The following TRAF2 variants were observed in gnomAD, a reference collection of about 807,000 sequenced individuals.
TRAF2 encodes the protein TNF receptor-associated factor 2.
Under a neutral mutation model 55.6 loss-of-function variants are expected in TRAF2, and 6 were observed. The observed-to-expected ratio is 0.11, with a 90% CI of 0.06 to 0.21. TRAF2 has a LOEUF of 0.21. Among genes scored for constraint, TRAF2 ranks in the 10% least tolerant of loss-of-function variants. TRAF2 has a pLI of 1.00. For missense variants in TRAF2, 561 were observed against 684.5 expected (o/e 0.82, Z 2.01); for synonymous variants, 329 against 276.3 (o/e 1.19, Z -1.89).
chr9:136,900,279 C>T, intron 3 of TRAF2, 143 bp from the exon 4 acceptor site: 2 of 536,866 alleles, frequency 3.7e-6, no homozygotes, highest in Non-Finnish European at 6.5e-6. Context: ...AAAAAGGAAT[C>T]AGAGAGTCAT....
chr9:136,910,071 T>TGGGGCA, intron 6 of TRAF2, 77 bp downstream of exon 6: 1 of 1,386,232 alleles, frequency 7.2e-7, no homozygotes, highest in South Asian at 1.2e-5. Context: ...TGGGTGGGGG[T>TGGGGCA]GGGGCAGGTT....
chr9:136,903,255 C>A (rs963948458), intron 4 of TRAF2, among the ~76,000 whole-genome samples: 1 of 152,150 alleles, frequency 6.6e-6, no homozygotes, highest in South Asian at 2.1e-4. Context: ...CTGGCCAAAT[C>A]GAATAATTTT....
At chr9:136,911,785 T>G (rs113005372) in intron 6 of TRAF2, among the ~76,000 whole-genome samples, 18 of 151,610 alleles carry the variant, frequency 1.2e-4, no homozygotes, top group African/African-American at 4.1e-4. Flanking sequence ...CAGAGGAGAA[T>G]GCTGAGAGTG....
chr9:136,901,809 G>GC (rs1479741112), intron 4 of TRAF2: 3 of 152,298 alleles, frequency 2.0e-5, no homozygotes, highest in Admixed American at 6.5e-5. Context: ...AATTGGACCT[G>GC]CATTACTGTG....
intron 1 of TRAF2, among the ~76,000 whole-genome samples, chr9:136,893,376 C>T (rs1328119858): frequency 1.3e-5 from 2 of 152,240 alleles, no homozygotes; most frequent in Non-Finnish European, 2.9e-5. Flanking sequence ...AAGCACACCA[C>T]TGCTGGCTTT....
In TRAF2 at chr9:136,913,281, CTTA is replaced by C. The variant is rs1850163880; in HGVS notation, c.604-3255_604-3253del. ...AGATGTGGGGTCCACATACCATGTTCTTATTATAAAGGAATTTTTTTTTTTTTT... is the reference window on the plus strand; with the variant it reads ...AGATGTGGGGTCCACATACCATGTTCTTATAAAGGAATTTTTTTTTTTTTT... On this transcript the variant is annotated intron_variant, in intron 6 of 10. Transcript: ENST00000247668. Among the ~76,000 whole-genome samples, 3 of 134,912 alleles carry C rather than the reference CTTA, an allele frequency of 2.2e-5. No individual in the cohort carries two copies. In the South Asian group the frequency reaches 7.4e-4, roughly 33 times the overall value. 88.5% of individuals were successfully genotyped at this position (134,912 alleles called of 152,430 possible). A position where few individuals can be genotyped will look rare whatever the true frequency, so the allele number is the denominator to read the frequency against.
intron 1 of TRAF2, among the ~76,000 whole-genome samples, chr9:136,892,986 G>A (rs1453844946): frequency 2.0e-5 from 3 of 152,314 alleles, no homozygotes; most frequent in East Asian, 1.9e-4. Context: ...TGAAGACTAA[G>A]TGTAGTTCTG....
At chr9:136,924,467 C>T (rs1010947243) in intron 10 of TRAF2, among the ~76,000 whole-genome samples, 2 of 151,970 alleles carry the variant, frequency 1.3e-5, no homozygotes, top group African/African-American at 4.8e-5. Context: ...GAGGCTAAGG[C>T]AGGAGCATTG....
intron 5 of TRAF2, among the ~76,000 whole-genome samples, chr9:136,909,378 C>G (rs1259911145): frequency 6.6e-6 from 1 of 152,196 alleles, no homozygotes; most frequent in Non-Finnish European, 1.5e-5. Flanking sequence ...CTCTGGGTCT[C>G]TCTCTGCCTC....
At chr9:136,888,530 C>T (rs529383435) in intron 1 of TRAF2, among the ~76,000 whole-genome samples, 4 of 152,322 alleles carry the variant, frequency 2.6e-5, no homozygotes, top group East Asian at 3.9e-4. Flanking sequence ...AGGTTTGAAT[C>T]TCCAGCATTT....
intron 7 of TRAF2, among the ~76,000 whole-genome samples, chr9:136,919,784 C>T (rs1850340381): frequency 1.3e-5 from 2 of 150,982 alleles, no homozygotes; most frequent in Admixed American, 6.6e-5. Flanking sequence ...GGTATGATCT[C>T]GGCTCACTGC....
intron 8 of TRAF2, 52 bp from the exon 9 acceptor site, chr9:136,920,986 C>T (rs914596451): frequency 1.9e-6 from 3 of 1,595,698 alleles, no homozygotes; most frequent in South Asian, 1.1e-5. Flanking sequence ...GAGGCAGGGG[C>T]TCGTGCCCGC....
intron 7 of TRAF2, among the ~76,000 whole-genome samples, chr9:136,918,578 G>GC (rs1403933091): frequency 6.6e-6 from 1 of 151,660 alleles, no homozygotes; most frequent in Non-Finnish European, 1.5e-5. Context: ...GCATGACCGC[G>GC]CCTGGCCTCA....
intron 4 of TRAF2, among the ~76,000 whole-genome samples, chr9:136,901,201 C>G (rs1849812457): frequency 6.6e-6 from 1 of 151,634 alleles, no homozygotes; most frequent in African/African-American, 2.4e-5. Context: ...AGTGTAGAGG[C>G]CAGGAGGTGC....
intron 5 of TRAF2, among the ~76,000 whole-genome samples, 184 bp downstream of exon 5, chr9:136,908,415 C>T (rs1197087518): frequency 2.0e-5 from 3 of 152,244 alleles, no homozygotes; most frequent in East Asian, 1.9e-4. Context: ...AAGTTAATGC[C>T]GAGGCCTTTC....
chr9:136,905,991 G>A (rs1849940247), intron 4 of TRAF2, among the ~76,000 whole-genome samples: 1 of 152,160 alleles, frequency 6.6e-6, no homozygotes. Context: ...CGTAGTCCCA[G>A]CTACTCAGGA....
At chr9:136,882,155 C>A, upstream of TRAF2, 2 of 631,904 alleles carry the variant, frequency 3.2e-6, no homozygotes, top group Non-Finnish European at 3.9e-6. Flanking sequence ...TCTGTCGTCC[C>A]AAGACCTGAG....
chr9:136,912,279 A>T (rs1850133665), intron 6 of TRAF2, among the ~76,000 whole-genome samples: 1 of 147,532 alleles, frequency 6.8e-6, no homozygotes, highest in Non-Finnish European at 1.5e-5. Flanking sequence ...TCTCTGCCTC[A>T]GCCTCCTGAG....
chr9:136,904,329 A>G (rs1184969426), intron 4 of TRAF2, among the ~76,000 whole-genome samples: 1 of 152,230 alleles, frequency 6.6e-6, no homozygotes, highest in Admixed American at 6.5e-5. Flanking sequence ...TTGGTCTCCT[A>G]AAGTGCTGGG....
Sources: allele counts gnomAD v4.1 joint callset (sites outside exome capture counted in the v4.1 genomes callset), GRCh38; gene constraint gnomAD v4.1.1; transcripts MANE v1.5; gene names NCBI Gene and HGNC (gene_info 2026-07-23, HGNC 2026-07-21).